The following TUBB8B variants were observed in gnomAD, a reference collection of about 807,000 sequenced individuals.
TUBB8B encodes the protein tubulin beta 8B, also known as HSA18p11 beta-tubulin 4Q pseudogene.
TUBB8B carries 26 observed loss-of-function variants against 31.9 expected under a neutral mutation model. The ratio of observed to expected loss-of-function variants is 0.81; its 90% CI spans 0.60 to 1.13. The LOEUF is 1.13. Among genes scored for constraint, TUBB8B ranks in the 50% most tolerant of loss-of-function variants. The probability of loss-of-function intolerance (pLI) is 0.00; values close to 1 mark genes in which losing one functional copy is unlikely to be tolerated. For missense variants in TUBB8B, 467 were observed against 586.7 expected (o/e 0.80, Z 2.11); for synonymous variants, 173 against 231.0 (o/e 0.75, Z 2.28).
chr18:55,453 C>T, the TUBB8B span, among the ~76,000 whole-genome samples: 3 of 151,778 alleles, frequency 2.0e-5, no homozygotes, highest in Non-Finnish European at 4.4e-5. Context: ...TTCCACATGG[C>T]TGGGGAGGCC....
the TUBB8B span, among the ~76,000 whole-genome samples, chr18:58,902 G>A: frequency 6.6e-6 from 1 of 151,786 alleles, no homozygotes; most frequent in African/African-American, 2.4e-5. Context: ...GAAGGCCTCT[G>A]GAAGTTTACA....
At chr18:59,092 A>G in the TUBB8B span, among the ~76,000 whole-genome samples, 15 of 151,988 alleles carry the variant, frequency 9.9e-5, no homozygotes, top group South Asian at 1.7e-3. Flanking sequence ...ATCCACCCCA[A>G]TGGTTAAATC....
At chr18:49,377 G>C in intron 1 of TUBB8B, 124 bp downstream of exon 1, 2 of 756,692 alleles carry the variant, frequency 2.6e-6, no homozygotes, top group Non-Finnish European at 4.2e-6. Context: ...CAGCCACCCG[G>C]TTCCACCGTC....
the TUBB8B span, among the ~76,000 whole-genome samples, chr18:66,866 C>A: frequency 6.6e-6 from 1 of 152,236 alleles, no homozygotes; most frequent in South Asian, 2.1e-4. Flanking sequence ...TGTAGTACTG[C>A]CACCTTAAGA....
At chr18:64,307 C>A in the TUBB8B span, among the ~76,000 whole-genome samples, 2 of 152,168 alleles carry the variant, frequency 1.3e-5, no homozygotes, top group Non-Finnish European at 2.9e-5. Flanking sequence ...TACCCCTACA[C>A]ATACTGAAAT....
At chr18:52,834 G>C (rs570993523), upstream of TUBB8B, among the ~76,000 whole-genome samples, 9 of 151,946 alleles carry the variant, frequency 5.9e-5, no homozygotes, top group South Asian at 8.3e-4. Flanking sequence ...CAGAAAACAA[G>C]AGCAGGAATG....
chr18:72,250 A>G, the TUBB8B span, among the ~76,000 whole-genome samples: 15,512 of 143,538 alleles, frequency 0.11, no homozygotes, highest in Middle Eastern at 0.17. Flanking sequence ...TTTACAGCTC[A>G]GTATTAAGTA....
chr18:53,066 G>A (rs1240271506), upstream of TUBB8B, among the ~76,000 whole-genome samples: 2 of 151,640 alleles, frequency 1.3e-5, no homozygotes, highest in African/African-American at 4.8e-5. Context: ...GTCTTGTATG[G>A]CCATAAATAT....
chr18:48,557 G>T (rs542311459), intron 3 of TUBB8B, 110 bp from the exon 4 acceptor site: 2 of 840,456 alleles, frequency 2.4e-6, no homozygotes, highest in African/African-American at 1.7e-5. Flanking sequence ...AGCACCATTC[G>T]CCCTGCAGGT....
At chr18:59,538 CCTT>C in the TUBB8B span, among the ~76,000 whole-genome samples, 1 of 140,786 alleles carries the variant, frequency 7.1e-6, no homozygotes, top group Non-Finnish European at 1.5e-5. Flanking sequence ...TGGATTTTGT[CCTT>C]CATTCTTTTT....
chr18:51,464 G>C (rs187547667), upstream of TUBB8B, among the ~76,000 whole-genome samples: 2 of 148,726 alleles, frequency 1.3e-5, no homozygotes, highest in Non-Finnish European at 3.0e-5. Flanking sequence ...TTTTGAGACA[G>C]AGTCTTGCTC....
the TUBB8B span, among the ~76,000 whole-genome samples, chr18:58,119 T>C: frequency 7.1e-6 from 1 of 140,168 alleles, no homozygotes; most frequent in East Asian, 2.0e-4. Context: ...ATGCCTTCAA[T>C]TCCTCTTCCC....
the TUBB8B span, chr18:73,274 G>T: frequency 1.2e-4 from 19 of 163,190 alleles, no homozygotes; most frequent in East Asian, 5.8e-4. Flanking sequence ...CGCTCGCTCC[G>T]CTGCACTCGC....
At chr18:63,371 C>T in the TUBB8B span, among the ~76,000 whole-genome samples, 2 of 151,882 alleles carry the variant, frequency 1.3e-5, no homozygotes, top group South Asian at 2.1e-4. Flanking sequence ...CTTGGATTAA[C>T]ATTAAGAAAA....
upstream of TUBB8B, among the ~76,000 whole-genome samples, chr18:53,235 T>C (rs1266695622): frequency 6.6e-6 from 1 of 151,912 alleles, no homozygotes; most frequent in Non-Finnish European, 1.5e-5. Context: ...TGAGTTCCTC[T>C]AACACAGCAA....
the TUBB8B span, among the ~76,000 whole-genome samples, chr18:63,550 A>T: frequency 6.6e-6 from 1 of 151,644 alleles, no homozygotes; most frequent in Non-Finnish European, 1.5e-5. Context: ...AAGTAGGCAT[A>T]GAACTTGGTC....
At chr18:52,254 C>T (rs1018370138), upstream of TUBB8B, among the ~76,000 whole-genome samples, 7 of 151,922 alleles carry the variant, frequency 4.6e-5, no homozygotes, top group African/African-American at 1.7e-4. Context: ...CTGTTTGGGG[C>T]CTCTTTCCTG....
At chr18:60,679 A>C in the TUBB8B span, among the ~76,000 whole-genome samples, 1 of 151,788 alleles carries the variant, frequency 6.6e-6, no homozygotes, top group Admixed American at 6.6e-5. Context: ...TGTTTGTTTC[A>C]AGAAATTTTT....
chr18:66,592 T>C, the TUBB8B span, among the ~76,000 whole-genome samples: 1 of 152,090 alleles, frequency 6.6e-6, no homozygotes, highest in Non-Finnish European at 1.5e-5. Flanking sequence ...GAAATATGGG[T>C]TTATTTCTGA....
Sources: gnomAD v4.1 joint callset for allele counts (sites outside exome capture counted in the v4.1 genomes callset) on GRCh38, gnomAD v4.1.1 for gene constraint, MANE v1.5 for transcripts, NCBI Gene and HGNC (gene_info 2026-07-23, HGNC 2026-07-21) for gene names.